Variants in SIL1 observed in about 807,000 individuals in gnomAD.
The protein encoded by SIL1 is nucleotide exchange factor SIL1.
A neutral mutation model predicts 49.1 loss-of-function variants in SIL1; 40 were observed. That is an observed-to-expected ratio of 0.81 (90% CI 0.63 to 1.06). SIL1 has a LOEUF of 1.06. Ranked by LOEUF, SIL1 falls within the 50% of genes least tolerant of loss-of-function variation. The pLI is 0.00. For missense variants in SIL1, 500 were observed against 572.6 expected (o/e 0.87, Z 1.29); for synonymous variants, 253 against 250.8 (o/e 1.01, Z -0.08).
intron 7 of SIL1, among the ~76,000 whole-genome samples, chr5:138,964,550 G>A (rs1404076783): frequency 2.6e-5 from 4 of 152,180 alleles, no homozygotes; most frequent in Non-Finnish European, 4.4e-5. Flanking sequence ...ACCTTCCACA[G>A]ACTCTTTTAA....
intron 3 of SIL1, among the ~76,000 whole-genome samples, chr5:139,090,540 G>A (rs985795465): frequency 6.6e-6 from 1 of 152,192 alleles, no homozygotes; most frequent in Non-Finnish European, 1.5e-5. Flanking sequence ...AAGCAGAAAA[G>A]AACATTCAAA....
chr5:138,949,970 T>TAG (rs1320973415), intron 9 of SIL1, among the ~76,000 whole-genome samples: 4 of 152,156 alleles, frequency 2.6e-5, no homozygotes, highest in Admixed American at 6.5e-5. Context: ...GTACTGTTTG[T>TAG]AGAGAGATGC....
intron 1 of SIL1, chr5:139,131,898 T>A (rs1454068692): frequency 6.6e-6 from 1 of 152,296 alleles, no homozygotes; most frequent in Non-Finnish European, 1.5e-5. Flanking sequence ...TCTATACTTC[T>A]GTTAACGCTG....
At chr5:139,137,459 C>A in intron 1 of SIL1, 1 of 604,496 alleles carries the variant, frequency 1.7e-6, no homozygotes, top group Non-Finnish European at 3.0e-6. Flanking sequence ...AAACTGGACT[C>A]ATCATTTTAT....
chr5:139,015,947 GCA>G (rs1673412384), intron 7 of SIL1, among the ~76,000 whole-genome samples: 1 of 152,116 alleles, frequency 6.6e-6, no homozygotes, highest in African/African-American at 2.4e-5. Flanking sequence ...GGGAGGCCAG[GCA>G]CAGTGATGCA....
chr5:139,162,048 C>A (rs1253206129), intron 1 of SIL1, among the ~76,000 whole-genome samples: 1 of 151,958 alleles, frequency 6.6e-6, no homozygotes, highest in Admixed American at 6.6e-5. Context: ...CTAGGCCTTA[C>A]CAGGTGGGCA....
chr5:139,062,976 G>A (rs1350338467), intron 3 of SIL1, among the ~76,000 whole-genome samples: 1 of 152,220 alleles, frequency 6.6e-6, no homozygotes, highest in African/African-American at 2.4e-5. Context: ...GGGGAGAGAA[G>A]TAGCAACACT....
intron 7 of SIL1, among the ~76,000 whole-genome samples, chr5:138,996,559 C>T (rs1415326226): frequency 3.2e-5 from 4 of 125,058 alleles, no homozygotes; most frequent in Middle Eastern, 6.7e-3. Flanking sequence ...CTCACTCTGT[C>T]GCCAGGCTGG....
At chr5:139,144,731 C>T (rs537591538) in intron 1 of SIL1, among the ~76,000 whole-genome samples, 21 of 152,132 alleles carry the variant, frequency 1.4e-4, no homozygotes, top group Admixed American at 4.6e-4. Context: ...ATTAGCCGGG[C>T]GTGGTGGCGG....
chr5:139,116,130 G>C (rs1488407020), intron 3 of SIL1, among the ~76,000 whole-genome samples: 1 of 152,170 alleles, frequency 6.6e-6, no homozygotes, highest in East Asian at 1.9e-4. Flanking sequence ...AGGGCCTGCA[G>C]GAAATCAGAC....
intron 1 of SIL1, among the ~76,000 whole-genome samples, chr5:139,169,882 C>CTGCCTCTTTCCACGGTCTCCCTT (rs1751706276): frequency 1.3e-5 from 2 of 152,062 alleles, no homozygotes; most frequent in South Asian, 4.1e-4. Flanking sequence ...CGGTCTCCCT[C>CTGCCTCTTTCCACGGTCTCCCTT]TCCCTCTCTC....
chr5:139,054,861 G>A (rs867993656), intron 3 of SIL1, among the ~76,000 whole-genome samples: 4 of 152,090 alleles, frequency 2.6e-5, no homozygotes, highest in African/African-American at 4.8e-5. Context: ...TACTAAACAC[G>A]TCATGGCAGC....
chr5:139,178,841 CA>C (rs1751931208), intron 1 of SIL1, among the ~76,000 whole-genome samples: 1 of 152,090 alleles, frequency 6.6e-6, no homozygotes, highest in Non-Finnish European at 1.5e-5. Flanking sequence ...CAGGGCCTAA[CA>C]GTCTCTGGAA....
At chr5:138,967,397 C>G (rs1181553586) in intron 7 of SIL1, among the ~76,000 whole-genome samples, 2 of 152,144 alleles carry the variant, frequency 1.3e-5, no homozygotes, top group African/African-American at 4.8e-5. Context: ...CTAGAGTATC[C>G]CTGGACAGAT....
At chr5:138,997,536 A>G (rs1405088246) in intron 7 of SIL1, among the ~76,000 whole-genome samples, 2 of 152,094 alleles carry the variant, frequency 1.3e-5, no homozygotes, top group African/African-American at 4.8e-5. Flanking sequence ...TTTTTTACCA[A>G]TGCCATGCTG....
intron 7 of SIL1, among the ~76,000 whole-genome samples, chr5:138,970,903 G>A (rs1289081591): frequency 3.3e-5 from 5 of 150,260 alleles, no homozygotes; most frequent in Non-Finnish European, 7.4e-5. Flanking sequence ...GGGCAACAAA[G>A]AGCAAAACTC....
At chr5:138,973,201 T>TAAAAAAAAAA (rs5871690) in intron 7 of SIL1, among the ~76,000 whole-genome samples, 2 of 105,374 alleles carry the variant, frequency 1.9e-5, no homozygotes, top group Non-Finnish European at 1.9e-5. Context: ...TTGAAGTATT[T>TAAAAAAAAAA]AAAAAAAAAA....
At chr5:139,021,620 C>T (rs1768530458) in intron 6 of SIL1, among the ~76,000 whole-genome samples, 2 of 152,156 alleles carry the variant, frequency 1.3e-5, no homozygotes, top group African/African-American at 4.8e-5. Flanking sequence ...AAGCTGTTAA[C>T]ACAAAGAATC....
At chr5:139,072,442 T>C (rs1460671403) in intron 3 of SIL1, among the ~76,000 whole-genome samples, 2 of 152,026 alleles carry the variant, frequency 1.3e-5, no homozygotes, top group Non-Finnish European at 2.9e-5. Context: ...GCCACAAAGA[T>C]AAAATGGGGA....
Sources: allele counts gnomAD v4.1 joint callset (sites outside exome capture counted in the v4.1 genomes callset), GRCh38; gene constraint gnomAD v4.1.1; transcripts MANE v1.5; gene names NCBI Gene and HGNC (gene_info 2026-07-23, HGNC 2026-07-21).